Variants in FMN2 observed in about 807,000 individuals in gnomAD.
The protein encoded by FMN2 is formin-2.
FMN2 carries 51 observed loss-of-function variants against 142.3 expected under a neutral mutation model. The observed-to-expected ratio is 0.36, with a 90% confidence interval of 0.29 to 0.45. FMN2 has a LOEUF of 0.45. Ranked by LOEUF, FMN2 falls within the 20% of genes least tolerant of loss-of-function variation. The pLI is 1.00. For synonymous variants in FMN2, 882 were observed against 869.8 expected (o/e 1.01, Z -0.25); for missense variants, 1,936 against 2,122.8 (o/e 0.91, Z 1.73).
At chr1:240,123,096 G>GTT in intron 1 of FMN2, 83 bp from the exon 2 acceptor site, 1 of 1,504,456 alleles carries the variant, frequency 6.6e-7, no homozygotes, top group Non-Finnish European at 9.1e-7. Flanking sequence ...CCCTGGCAGT[G>GTT]TTTACCCAGC....
At chr1:240,234,777 T>C (rs1667646476) in intron 6 of FMN2, among the ~76,000 whole-genome samples, 1 of 152,264 alleles carries the variant, frequency 6.6e-6, no homozygotes, top group Non-Finnish European at 1.5e-5. Context: ...CTAAGGTTTA[T>C]TCTCTTCATG....
chr1:240,189,627 A>G (rs1407591449), intron 4 of FMN2, among the ~76,000 whole-genome samples: 1 of 152,228 alleles, frequency 6.6e-6, no homozygotes, highest in African/African-American at 2.4e-5. Context: ...AAATGCGGCT[A>G]GGTTAGCTAT....
chr1:240,211,237 T>C lies in FMN2; in HGVS notation c.4065+2T>C. 1 of 1,609,718 alleles carries C rather than the reference T, an allele frequency of 6.2e-7. No homozygotes were observed. Among genetic ancestry groups the C allele is most frequent in the Non-Finnish European group, 8.5e-7 (1 of 1,178,882 alleles). ...ATCTCAAAGACGAAGGCTAAACAAG[T>C]GAGTATTTTTGTGCTTTATGAAATT... On this transcript the variant is annotated splice_donor_variant, in intron 6 of 17. Coordinates refer to ENST00000319653, the MANE Select transcript of FMN2 (RefSeq NM_020066.5). LOFTEE classifies it high-confidence loss of function.
rs1259944600 is a variant in FMN2, at chr1:240,333,940, T to C, written c.4638T>C (p.Phe1546=). 1 of 1,609,558 alleles carries C rather than the reference T, an allele frequency of 6.2e-7. No homozygotes were observed. Among genetic ancestry groups the C allele is most frequent in the South Asian group, 1.1e-5 (1 of 89,644 alleles). ...TTGTTTCGTATTATCTCCGAAATTT[T>C]GATGAGGTAAGACAATTTTTACATA... The part of the protein sequence containing the change: ...SYIVSYYLRN[F]DEDAGKEQCL... The change falls in exon 12 of 18, where the codon TTT becomes TTC. Residue 1546 remains phenylalanine, a synonymous_variant. Transcript: ENST00000319653.
At chr1:240,094,999 A>G (rs1012090730) in intron 1 of FMN2, among the ~76,000 whole-genome samples, 1 of 151,978 alleles carries the variant, frequency 6.6e-6, no homozygotes, top group Admixed American at 6.6e-5. Context: ...ACATACTCTT[A>G]TTTTTCTTCT....
At chr1:240,133,043 G>A (rs187664140) in intron 2 of FMN2, among the ~76,000 whole-genome samples, 479 of 152,310 alleles carry the variant, frequency 3.1e-3, no homozygotes, top group Admixed American at 6.3e-3. Flanking sequence ...AGAGACTGGG[G>A]CACTGCCAAG....
chr1:240,236,806 C>T (rs1233112768), intron 6 of FMN2, among the ~76,000 whole-genome samples: 3 of 152,228 alleles, frequency 2.0e-5, no homozygotes, highest in Admixed American at 1.3e-4. Flanking sequence ...CGCTAGGACT[C>T]ACCTTTAACA....
intron 15 of FMN2, among the ~76,000 whole-genome samples, chr1:240,418,643 A>G (rs1674662112): frequency 6.6e-6 from 1 of 152,232 alleles, no homozygotes. Flanking sequence ...AATTCTTTGC[A>G]TTTTTTGAGA....
At chr1:240,162,231 C>T (rs1249785951) in intron 2 of FMN2, among the ~76,000 whole-genome samples, 2 of 151,900 alleles carry the variant, frequency 1.3e-5, no homozygotes, top group Non-Finnish European at 2.9e-5. Context: ...TTTGGGAGGC[C>T]GAGGCAGGTG....
At chr1:240,150,593 G>T (rs1663720548) in intron 2 of FMN2, among the ~76,000 whole-genome samples, 1 of 152,152 alleles carries the variant, frequency 6.6e-6, no homozygotes, top group Admixed American at 6.5e-5. Context: ...AATTGGTTTT[G>T]TTTCTCAACT....
At chr1:240,409,517 T>C (rs1028074624) in intron 15 of FMN2, among the ~76,000 whole-genome samples, 2 of 152,248 alleles carry the variant, frequency 1.3e-5, no homozygotes, top group African/African-American at 4.8e-5. Context: ...TTCTGTATTG[T>C]TAAAAGTGCT....
At chr1:240,297,925 T>C (rs1670047817) in intron 8 of FMN2, among the ~76,000 whole-genome samples, 1 of 152,140 alleles carries the variant, frequency 6.6e-6, no homozygotes, top group Admixed American at 6.5e-5. Flanking sequence ...TAACCTCACA[T>C]GGTAGAAGGG....
intron 13 of FMN2, among the ~76,000 whole-genome samples, chr1:240,353,180 A>G (rs1181482767): frequency 6.6e-6 from 1 of 152,060 alleles, no homozygotes; most frequent in Admixed American, 6.6e-5. Context: ...CTTAGGCTGA[A>G]CTCCACTTGG....
Position 240,093,594 on chromosome 1 carries a change from G to A in FMN2, c.1485G>A (p.Arg495=). ...AGGAGCTAGGCGCCCGCACGCCCCG[G>A]GTGGGAGGCTCCGCGCACCTGCTGG... The part of the protein sequence containing the change: ...WTEELGARTP[R]VGGSAHLLER... Residue 495 remains arginine, a synonymous_variant, in exon 1 of 18, where the codon CGG becomes CGA. Coordinates refer to ENST00000319653, the MANE Select transcript of FMN2 (RefSeq NM_020066.5). 6.9e-7 allele frequency: 1 copy of A among 1,440,724 alleles called. No homozygotes were observed. The highest frequency in any genetic ancestry group is 9.0e-7 in the Non-Finnish European group (1 of 1,107,178). The allele number at this position is 1,440,724 out of a possible 1,614,324, so 89.2% of individuals were successfully genotyped here.
At chr1:240,280,670 C>CAGTGG (rs1191466892) in intron 7 of FMN2, among the ~76,000 whole-genome samples, 1 of 152,116 alleles carries the variant, frequency 6.6e-6, no homozygotes, top group Non-Finnish European at 1.5e-5. Flanking sequence ...ATTCAACAGA[C>CAGTGG]AGTGGATGTT....
At chr1:240,137,156 T>C (rs749843778) in intron 2 of FMN2, among the ~76,000 whole-genome samples, 24 of 151,844 alleles carry the variant, frequency 1.6e-4, no homozygotes, top group Non-Finnish European at 3.2e-4. Context: ...ATTCAGGAGC[T>C]TAAAGGGTTT....
intron 13 of FMN2, among the ~76,000 whole-genome samples, chr1:240,345,393 T>C (rs561897804): frequency 1.3e-5 from 2 of 152,196 alleles, no homozygotes; most frequent in Non-Finnish European, 2.9e-5. Flanking sequence ...AGATGTAGAT[T>C]GGTGAGAACG....
intron 13 of FMN2, among the ~76,000 whole-genome samples, chr1:240,340,701 T>G (rs1671716558): frequency 6.6e-6 from 1 of 152,348 alleles, no homozygotes; most frequent in East Asian, 1.9e-4. Context: ...TGGTACCTCT[T>G]ATTTTCAATA....
intron 6 of FMN2, among the ~76,000 whole-genome samples, chr1:240,250,719 A>G (rs1164836014): frequency 1.3e-5 from 2 of 151,802 alleles, no homozygotes; most frequent in African/African-American, 4.8e-5. Context: ...CTGGTCCTGG[A>G]CTTTTCTTTG....
Sources: allele counts gnomAD v4.1 joint callset (sites outside exome capture counted in the v4.1 genomes callset), GRCh38; gene constraint gnomAD v4.1.1; transcripts MANE v1.5; gene names NCBI Gene and HGNC (gene_info 2026-07-23, HGNC 2026-07-21).